The following ASB18 variants were observed in gnomAD, a reference collection of about 807,000 sequenced individuals.
ASB18 encodes ankyrin repeat and SOCS box protein 18.
In ASB18, 33 loss-of-function variants were observed where a neutral mutation model predicts 33.4. The ratio of observed to expected loss-of-function variants is 0.99; its 90% CI spans 0.75 to 1.32. ASB18 has a LOEUF of 1.32. ASB18 is among the 40% of genes most tolerant of loss of function. The pLI, the probability that ASB18 is intolerant of heterozygous loss-of-function variation, is 0.00. For missense variants in ASB18, 694 were observed against 655.5 expected (o/e 1.06, Z -0.64); for synonymous variants, 295 against 307.6 (o/e 0.96, Z 0.43).
In ASB18 at chr2:236,251,080, G is replaced by A. The variant is rs1202026686; in HGVS notation, c.206-9678C>T. 6.6e-6 allele frequency among the ~76,000 whole-genome samples: 1 copy of A among 152,166 alleles called. No individual in the cohort carries two copies. The highest frequency in any genetic ancestry group is 1.5e-5 in the Non-Finnish European group (1 of 68,034). On this transcript the variant is annotated intron_variant, in intron 1 of 5. Coordinates refer to ENST00000409749, the MANE Select transcript of ASB18 (RefSeq NM_212556.4). The surrounding 1 kb of genome is among the most constrained non-coding windows in gnomAD (Gnocchi z 5.3). The stretch of plus-strand genomic sequence containing the variant: ...CTCACTAACTTATTTTCCCGTCACT[G>A]CTACCAAGCCCAGTGCAGATAATGC...
rs2060459501 is a variant in ASB18, at chr2:236,211,686, C to T, written c.1101+2676G>A. ...CTTTGATGTCGCACATGATTAGATG[C>T]CGTCCCTGGAGGAGCGATTGCAGGG... On this transcript the variant is annotated intron_variant, in intron 4 of 5. Transcript: ENST00000409749. The surrounding 1 kb of genome is among the most constrained non-coding windows in gnomAD (Gnocchi z 5.0). Among the ~76,000 whole-genome samples the T allele has an allele frequency of 6.6e-6, 1 of 152,224 alleles. No individual in the cohort carries two copies. Among genetic ancestry groups the T allele is most frequent in the African/African-American group, 2.4e-5 (1 of 41,460 alleles).
At position 236,209,791 on chromosome 2, in the gene ASB18, C is replaced by T. The variant is rs1401685723; in HGVS notation, c.1101+4571G>A. ...AGTCAGAGGCCCAGGCCCTTAAGGCCCTGCCTGGCTGCCTAGTCTCAACTG... is the reference window on the plus strand; with the variant it reads ...AGTCAGAGGCCCAGGCCCTTAAGGCTCTGCCTGGCTGCCTAGTCTCAACTG... On this transcript the variant is annotated intron_variant, in intron 4 of 5. Coordinates refer to ENST00000409749, the MANE Select transcript of ASB18 (RefSeq NM_212556.4). The surrounding 1 kb of genome is among the most constrained non-coding windows in gnomAD (Gnocchi z 4.4). Among the ~76,000 whole-genome samples, 1 of 152,226 alleles carries T rather than the reference C, an allele frequency of 6.6e-6. No homozygotes were observed. Among genetic ancestry groups the T allele is most frequent in the Non-Finnish European group, 1.5e-5 (1 of 68,044 alleles).
At position 236,253,951 on chromosome 2, in the gene ASB18, A is replaced by G. The variant is rs542670374; in HGVS notation, c.205+10190T>C. On this transcript the variant is annotated intron_variant, in intron 1 of 5. Coordinates refer to ENST00000409749, the MANE Select transcript of ASB18 (RefSeq NM_212556.4). This position sits in a 1 kb window ranked among gnomAD's most constrained non-coding sequence, Gnocchi z 5.4. ...AGAGAATGGCAGGGATGCCAGAGTTAGCTCAGGGTACATCTTTAGGCCTTT... is the reference window on the plus strand; with the variant it reads ...AGAGAATGGCAGGGATGCCAGAGTTGGCTCAGGGTACATCTTTAGGCCTTT... 1 of 152,288 alleles carries G rather than the reference A, an allele frequency of 6.6e-6. No homozygotes were observed. Among genetic ancestry groups the G allele is most frequent in the South Asian group, 2.1e-4 (1 of 4,832 alleles). The allele number at this position is 152,288 out of a possible 1,614,324, so 9.4% of individuals were successfully genotyped here.
rs544648309 is a variant in ASB18 at position 236,248,640 on chromosome 2, T to C, written c.206-7238A>G. On this transcript the variant is annotated intron_variant, in intron 1 of 5. Transcript: ENST00000409749. The surrounding 1 kb of genome is among the most constrained non-coding windows in gnomAD (Gnocchi z 4.9). ...AAAGAGTCCCCAGGTACTTCTAACA[T>C]GCAGCCAAGGTTGAGAACCATTGCT... The C allele has an allele frequency of 1.2e-4, 18 of 151,602 alleles. No homozygotes were observed. Among genetic ancestry groups the C allele is most frequent in the African/African-American group, 4.4e-4 (18 of 41,358 alleles). 9.4% of individuals were successfully genotyped at this position (151,602 alleles called of 1,614,324 possible). A position where few individuals can be genotyped will look rare whatever the true frequency, so the allele number is the denominator to read the frequency against.
rs1455424207 is a variant in ASB18, at chr2:236,195,080, T to C, written c.1216-23A>G. On this transcript the variant is annotated intron_variant, in intron 5 of 5. Coordinates refer to ENST00000409749, the MANE Select transcript of ASB18 (RefSeq NM_212556.4). The surrounding 1 kb of genome is among the most constrained non-coding windows in gnomAD (Gnocchi z 5.5). The stretch of plus-strand genomic sequence containing the variant: ...CATCTGGAAGGGAAGGCAGGTGGAT[T>C]AGAAATCTGGGCACGTGGAACCAAC... 1 of 1,598,130 alleles carries C rather than the reference T, an allele frequency of 6.3e-7. No individual in the cohort carries two copies. Among genetic ancestry groups the C allele is most frequent in the Non-Finnish European group, 8.5e-7 (1 of 1,170,308 alleles).
In ASB18 at chr2:236,255,040, C is replaced by G. The variant is rs376015101; in HGVS notation, c.205+9101G>C. Among the ~76,000 whole-genome samples the G allele has an allele frequency of 2.1e-4, 32 of 152,314 alleles. No homozygotes were observed. The highest frequency in any genetic ancestry group is 7.7e-4 in the African/African-American group (32 of 41,564). ...CCTGCTCCCCATTTGCGTTCCGCCG[C>G]GACTGAAAGCTTCCTGAAGTCTCCC... On this transcript the variant is annotated intron_variant, in intron 1 of 5. Coordinates refer to ENST00000409749, the MANE Select transcript of ASB18 (RefSeq NM_212556.4). This position sits in a 1 kb window ranked among gnomAD's most constrained non-coding sequence, Gnocchi z 4.4.
rs759262135 is a variant in ASB18 at position 236,235,401 on chromosome 2, A to T, written c.596+2288T>A. 2.0e-5 allele frequency among the ~76,000 whole-genome samples: 3 copies of T among 152,172 alleles called. No homozygotes were observed. The highest frequency in any genetic ancestry group is 4.4e-5 in the Non-Finnish European group (3 of 68,036). ...ATGCCATCCTGGTTTGTGTAAATAT[A>T]CTCTATGATGTTTACACAATGATGA... On this transcript the variant is annotated intron_variant, in intron 3 of 5. Coordinates refer to ENST00000409749, the MANE Select transcript of ASB18 (RefSeq NM_212556.4). This position sits in a 1 kb window ranked among gnomAD's most constrained non-coding sequence, Gnocchi z 6.2.
chr2:236,197,074 C>CA (rs2060377821), intron 4 of ASB18, among the ~76,000 whole-genome samples: 3 of 150,536 alleles, frequency 2.0e-5, no homozygotes, highest in African/African-American at 7.4e-5. Flanking sequence ...GTATCCCCGC[C>CA]CCCCCCATCA....
intron 3 of ASB18, among the ~76,000 whole-genome samples, chr2:236,218,997 G>T (rs941561378): frequency 5.3e-5 from 8 of 151,768 alleles, no homozygotes; most frequent in Non-Finnish European, 1.2e-4. Flanking sequence ...AGTCTCCCAA[G>T]TAGCTGGGAC....
chr2:236,243,101 C>A (rs1402245423), intron 1 of ASB18, among the ~76,000 whole-genome samples: 2 of 143,906 alleles, frequency 1.4e-5, no homozygotes, highest in African/African-American at 5.2e-5. Flanking sequence ...GAGGCCGAGG[C>A]GGGTGGATCA....
At chr2:236,261,968 C>T (rs1353171271) in intron 1 of ASB18, among the ~76,000 whole-genome samples, 1 of 152,118 alleles carries the variant, frequency 6.6e-6, no homozygotes, top group African/African-American at 2.4e-5. Context: ...CCCACTGGGT[C>T]CCTCCCACAA....
Position 236,241,207 on chromosome 2 carries a change from G to A in ASB18, c.328+73C>T. 1 of 1,477,392 alleles carries A rather than the reference G, an allele frequency of 6.8e-7. No homozygotes were observed. Among genetic ancestry groups the A allele is most frequent in the Non-Finnish European group, 9.4e-7 (1 of 1,066,014 alleles). The allele number at this position is 1,477,392 out of a possible 1,614,324, so 91.5% of individuals were successfully genotyped here. A position where few individuals can be genotyped will look rare whatever the true frequency, so the allele number is the denominator to read the frequency against. On this transcript the variant is annotated intron_variant, in intron 2 of 5. Transcript: ENST00000409749. This position sits in a 1 kb window ranked among gnomAD's most constrained non-coding sequence, Gnocchi z 4.2. Reference sequence around the variant, plus strand: ...TGCCACTGTGCCCAGTCTACACACGGGAGCCTTACACTCCCAGAGAGTATT... The same window carrying A: ...TGCCACTGTGCCCAGTCTACACACGAGAGCCTTACACTCCCAGAGAGTATT...
chr2:236,256,731 T>A lies in ASB18; in HGVS notation c.205+7410A>T. On this transcript the variant is annotated intron_variant, in intron 1 of 5. Coordinates refer to ENST00000409749, the MANE Select transcript of ASB18 (RefSeq NM_212556.4). The surrounding 1 kb of genome is among the most constrained non-coding windows in gnomAD (Gnocchi z 4.7). ...TGATTTAGTCTAATTGCAATTTCAC[T>A]GTGTTCCACAGGCAGTGACAGTTCA... Among the ~76,000 whole-genome samples, 1 of 152,216 alleles carries A rather than the reference T, an allele frequency of 6.6e-6. No homozygotes were observed. Among genetic ancestry groups the A allele is most frequent in the Non-Finnish European group, 1.5e-5 (1 of 68,026 alleles).
At position 236,257,521 on chromosome 2, in the gene ASB18, T is replaced by A. The variant is rs1289842647; in HGVS notation, c.205+6620A>T. ...CCAGGGACTCTATCTACTGAGATTG[T>A]GTGCACGTGTGCATGACTGTGTGTG... On this transcript the variant is annotated intron_variant, in intron 1 of 5. Coordinates refer to ENST00000409749, the MANE Select transcript of ASB18 (RefSeq NM_212556.4). The surrounding 1 kb of genome is among the most constrained non-coding windows in gnomAD (Gnocchi z 5.5). 2.0e-5 allele frequency among the ~76,000 whole-genome samples: 3 copies of A among 152,200 alleles called. No homozygotes were observed. The highest frequency in any genetic ancestry group is 1.5e-5 in the Non-Finnish European group (1 of 68,038).
Position 236,245,383 on chromosome 2 carries a change from C to T in ASB18, c.206-3981G>A, listed in dbSNP as rs191089842. Reference sequence around the variant, plus strand: ...GATTCAGTTACCTTTCTCAAGATTTCTGAATCCTGACATAGCCAGTGCCCA... The same window carrying T: ...GATTCAGTTACCTTTCTCAAGATTTTTGAATCCTGACATAGCCAGTGCCCA... On this transcript the variant is annotated intron_variant, in intron 1 of 5. Transcript: ENST00000409749. The surrounding 1 kb of genome is among the most constrained non-coding windows in gnomAD (Gnocchi z 4.7). Among the ~76,000 whole-genome samples the T allele has an allele frequency of 6.6e-6, 1 of 152,340 alleles. No homozygotes were observed. The highest frequency in any genetic ancestry group is 1.9e-4 in the East Asian group (1 of 5,182).
In ASB18 at chr2:236,253,298, G is replaced by T. The variant is rs1447881271; in HGVS notation, c.205+10843C>A. On this transcript the variant is annotated intron_variant, in intron 1 of 5. Transcript: ENST00000409749. The surrounding 1 kb of genome is among the most constrained non-coding windows in gnomAD (Gnocchi z 5.4). ...TTGGACCAGAGTTTCTCAAGCACCCGAGGTGAGGGACCAGGGATTTTCTTT... is the reference window on the plus strand; with the variant it reads ...TTGGACCAGAGTTTCTCAAGCACCCTAGGTGAGGGACCAGGGATTTTCTTT... Among the ~76,000 whole-genome samples the T allele has an allele frequency of 1.3e-5, 2 of 152,184 alleles. No homozygotes were observed. Among genetic ancestry groups the T allele is most frequent in the Admixed American group, 6.5e-5 (1 of 15,278 alleles).
chr2:236,264,335 G>C lies in ASB18; in HGVS notation c.11C>G (p.Ser4Trp), dbSNP rs769363208. 7.4e-6 allele frequency: 12 copies of C among 1,613,894 alleles called. No individual in the cohort carries two copies. In the East Asian group the frequency reaches 2.7e-4, roughly 36 times the overall value. Residue 4 changes from serine (S) to tryptophan (W), a missense_variant, in exon 1 of 6, where the codon TCG becomes TGG. Coordinates refer to ENST00000409749, the MANE Select transcript of ASB18 (RefSeq NM_212556.4). The surrounding 1 kb of genome is among the most constrained non-coding windows in gnomAD (Gnocchi z 5.1). MSN[S>W]DYLPDYPLNS... is the part of the protein sequence containing the mutation. ...GAGTGGGTAGTCGGGAAGGTAATCC[G>C]AGTTGGACATTGTTACGTCGTTTCT... is the stretch of plus-strand genomic sequence containing the variant.
rs564364439 is a variant in ASB18 at position 236,263,011 on chromosome 2, C to T, written c.205+1130G>A. Among the ~76,000 whole-genome samples the T allele has an allele frequency of 4.6e-5, 7 of 152,300 alleles. No individual in the cohort carries two copies. In the South Asian group the frequency reaches 6.2e-4, roughly 14 times the overall value. The stretch of plus-strand genomic sequence containing the variant: ...GTGTTCCTCCTGCATGTTGCGCACA[C>T]GTGTGCATGTGATGCATGTACTTGC... On this transcript the variant is annotated intron_variant, in intron 1 of 5. Coordinates refer to ENST00000409749, the MANE Select transcript of ASB18 (RefSeq NM_212556.4). The surrounding 1 kb of genome is among the most constrained non-coding windows in gnomAD (Gnocchi z 4.0).
At chr2:236,212,326 A>G (rs1168775638) in intron 4 of ASB18, among the ~76,000 whole-genome samples, 1 of 152,172 alleles carries the variant, frequency 6.6e-6, no homozygotes. Context: ...CTGCATCTCT[A>G]GTCAAGGCAG....
Sources: gnomAD v4.1 joint callset for allele counts (sites outside exome capture counted in the v4.1 genomes callset) on GRCh38, gnomAD v4.1.1 for gene constraint, Gnocchi (gnomAD v3.1) non-coding constraint, MANE v1.5 for transcripts, NCBI Gene and HGNC (gene_info 2026-07-23, HGNC 2026-07-21) for gene names.